The following MBD5 variants were observed in gnomAD, a reference collection of about 807,000 sequenced individuals.
MBD5 encodes the protein methyl-CpG binding domain protein 5, also known as methyl-CpG-binding domain protein 5.
In MBD5, 13 loss-of-function variants were observed where a neutral mutation model predicts 117.3. The ratio of observed to expected loss-of-function variants is 0.11; its 90% CI spans 0.07 to 0.18. MBD5 has a LOEUF of 0.18. MBD5 is among the 10% of genes least tolerant of loss of function. The probability of loss-of-function intolerance (pLI) is 1.00; values close to 1 mark genes in which losing one functional copy is unlikely to be tolerated. For synonymous variants in MBD5, 727 were observed against 766.4 expected, an observed-to-expected ratio of 0.95 and a Z score of 0.85; for missense variants, 1,879 against 2,093.8, an observed-to-expected ratio of 0.90 and a Z score of 2.00.
intron 4 of MBD5, among the ~76,000 whole-genome samples, chr2:148,384,449 A>G (rs888603763): frequency 6.6e-6 from 1 of 152,196 alleles, no homozygotes; most frequent in African/African-American, 2.4e-5. Flanking sequence ...CCACTGCTCA[A>G]TGAAATAAAA....
intron 1 of MBD5, among the ~76,000 whole-genome samples, chr2:148,155,490 C>A (rs1697851004): frequency 6.6e-6 from 1 of 152,134 alleles, no homozygotes; most frequent in South Asian, 2.1e-4. Flanking sequence ...TAATTTATAT[C>A]ATTCTTCTCT....
At chr2:148,511,595 A>G (rs1682215346) in intron 13 of MBD5, among the ~76,000 whole-genome samples, 1 of 152,164 alleles carries the variant, frequency 6.6e-6, no homozygotes, top group Non-Finnish European at 1.5e-5. Context: ...TTATGGGTTG[A>G]CAACTGTTTT....
intron 4 of MBD5, among the ~76,000 whole-genome samples, chr2:148,446,117 G>T (rs1258083687): frequency 6.6e-6 from 1 of 150,904 alleles, no homozygotes; most frequent in Non-Finnish European, 1.5e-5. Flanking sequence ...CTTTTGCTGT[G>T]CACAAGCTCT....
chr2:148,180,213 A>T (rs1698491811), intron 2 of MBD5, among the ~76,000 whole-genome samples: 1 of 151,122 alleles, frequency 6.6e-6, no homozygotes, highest in East Asian at 1.9e-4. Flanking sequence ...TTACATAGTT[A>T]TATATGGTGA....
At chr2:148,393,951 A>G (rs1704634424) in intron 4 of MBD5, among the ~76,000 whole-genome samples, 1 of 152,200 alleles carries the variant, frequency 6.6e-6, no homozygotes, top group South Asian at 2.1e-4. Context: ...TGAATTGAAA[A>G]GAAAAGGTTA....
intron 2 of MBD5, among the ~76,000 whole-genome samples, chr2:148,229,138 AG>A (rs1699917939): frequency 3.4e-5 from 5 of 149,110 alleles, no homozygotes; most frequent in Admixed American, 3.3e-4. Context: ...TTGCATTTTG[AG>A]GCTATTTTGC....
chr2:148,299,231 G>T (rs966597785), intron 3 of MBD5, among the ~76,000 whole-genome samples: 1 of 151,960 alleles, frequency 6.6e-6, no homozygotes, highest in Admixed American at 6.5e-5. Context: ...AGGTTCAAGC[G>T]ATTCTTCTGC....
intron 1 of MBD5, among the ~76,000 whole-genome samples, chr2:148,061,434 A>G (rs1695032187): frequency 6.6e-6 from 1 of 151,830 alleles, no homozygotes; most frequent in African/African-American, 2.4e-5. Flanking sequence ...CTTTCCCTCT[A>G]CATAATTGAC....
chr2:148,481,057 A>G (rs1041126633), intron 8 of MBD5, among the ~76,000 whole-genome samples: 1 of 152,124 alleles, frequency 6.6e-6, no homozygotes, highest in African/African-American at 2.4e-5. Context: ...TCCATATTTC[A>G]GAACTTTTGC....
At chr2:148,350,186 C>G (rs115316057) in intron 4 of MBD5, among the ~76,000 whole-genome samples, 179 of 152,112 alleles carry the variant, frequency 1.2e-3, no homozygotes, top group African/African-American at 4.1e-3. Flanking sequence ...TCATTATTCA[C>G]TATCCCCCAG....
At chr2:148,329,988 C>T (rs1559026262) in intron 3 of MBD5, among the ~76,000 whole-genome samples, 2 of 148,904 alleles carry the variant, frequency 1.3e-5, no homozygotes, top group Non-Finnish European at 3.0e-5. Flanking sequence ...AAGATAATAC[C>T]GATAAGGTAG....
intron 3 of MBD5, among the ~76,000 whole-genome samples, chr2:148,314,307 A>G (rs1702104768): frequency 6.7e-6 from 1 of 149,434 alleles, no homozygotes; most frequent in Non-Finnish European, 1.5e-5. Flanking sequence ...TAACTTCTTT[A>G]TATTGTATGA....
At chr2:148,129,531 GAT>G (rs1210223957) in intron 1 of MBD5, among the ~76,000 whole-genome samples, 1 of 151,924 alleles carries the variant, frequency 6.6e-6, no homozygotes, top group Non-Finnish European at 1.5e-5. Flanking sequence ...TAGTGACCCA[GAT>G]ATACTCTATC....
At chr2:148,295,027 T>C (rs1273007261) in intron 3 of MBD5, among the ~76,000 whole-genome samples, 1 of 152,240 alleles carries the variant, frequency 6.6e-6, no homozygotes, top group Non-Finnish European at 1.5e-5. Context: ...AGTATGATTC[T>C]CTCTGTCTTC....
rs1702869251 is a variant in MBD5, at chr2:148,338,912, G to C, written c.-679-3302G>C. On this transcript the variant is annotated intron_variant, in intron 3 of 13. Transcript: ENST00000642680. The stretch of plus-strand genomic sequence containing the variant: ...CTGAATTGTATGAGTTCTGCCTAAA[G>C]ACATTCAAATTTGGGCTGACCAAAC... 2.0e-5 allele frequency among the ~76,000 whole-genome samples: 3 copies of C among 152,186 alleles called. No homozygotes were observed. In the South Asian group the frequency reaches 6.2e-4, roughly 32 times the overall value.
intron 4 of MBD5, among the ~76,000 whole-genome samples, chr2:148,404,997 A>G (rs985312251): frequency 2.0e-5 from 3 of 152,114 alleles, no homozygotes; most frequent in African/African-American, 7.2e-5. Flanking sequence ...AAAGATTTCT[A>G]TTTATATCTT....
intron 2 of MBD5, among the ~76,000 whole-genome samples, chr2:148,225,220 T>G (rs1024338753): frequency 3.9e-5 from 6 of 152,184 alleles, no homozygotes; most frequent in Non-Finnish European, 8.8e-5. Context: ...TGTATGTTTT[T>G]TTGGTTTGAG....
intron 2 of MBD5, among the ~76,000 whole-genome samples, chr2:148,212,252 T>C (rs6430304): frequency 0.97 from 148,396 of 152,252 alleles, 72,440 homozygotes; most frequent in East Asian, 1. Context: ...CCTCAACTCC[T>C]AGTCCTGGCA....
At chr2:148,257,219 C>A (rs1327649432) in intron 3 of MBD5, among the ~76,000 whole-genome samples, 4 of 152,238 alleles carry the variant, frequency 2.6e-5, no homozygotes, top group Non-Finnish European at 5.9e-5. Flanking sequence ...ACATCCAGCT[C>A]AAATAGGCGC....
Sources: gnomAD v4.1 joint callset for allele counts (sites outside exome capture counted in the v4.1 genomes callset) on GRCh38, gnomAD v4.1.1 for gene constraint, MANE v1.5 for transcripts, NCBI Gene and HGNC (gene_info 2026-07-23, HGNC 2026-07-21) for gene names.